Variants in SSU72 observed in about 807,000 individuals in gnomAD.
The protein encoded by SSU72 is RNA polymerase II subunit A C-terminal domain phosphatase SSU72.
Under a neutral mutation model 22.7 loss-of-function variants are expected in SSU72, and 12 were observed. That is an observed-to-expected ratio of 0.53 (90% CI 0.34 to 0.86). The LOEUF is 0.86. Ranked by LOEUF, SSU72 falls within the 40% of genes least tolerant of loss-of-function variation. The pLI is 0.02. For synonymous variants in SSU72, 116 were observed against 98.3 expected, an observed-to-expected ratio of 1.18 and a Z score of -1.06; for missense variants, 151 against 249.8, an observed-to-expected ratio of 0.60 and a Z score of 2.67.
intron 2 of SSU72, among the ~76,000 whole-genome samples, chr1:1,549,819 A>C (rs1391731857): frequency 6.6e-6 from 1 of 151,894 alleles, no homozygotes; most frequent in Non-Finnish European, 1.5e-5. Context: ...CTAAAAATAT[A>C]AAAAATTAGC....
chr1:1,544,013 G>A (rs201711680), intron 3 of SSU72, 26 bp from the exon 4 acceptor site: 26 of 1,573,052 alleles, frequency 1.7e-5, no homozygotes, highest in African/African-American at 4.1e-5. Context: ...TGACACAGAC[G>A]TCAGAGGCTC....
intron 2 of SSU72, chr1:1,545,257 C>T (rs1385524211): frequency 2.1e-6 from 1 of 478,642 alleles, no homozygotes; most frequent in Admixed American, 3.5e-5. Context: ...GACCCAAGGC[C>T]CGCAGGACAC....
Position 1,542,086 on chromosome 1 carries a change from G to A in SSU72, c.565C>T (p.His189Tyr). The A allele has an allele frequency of 6.3e-7, 1 of 1,586,978 alleles. No individual in the cohort carries two copies. The highest frequency in any genetic ancestry group is 8.6e-7 in the Non-Finnish European group (1 of 1,166,738). Reference sequence around the variant, plus strand: ...TGGGCTCAGTAGAAGCAGACGGTGTGCAGAAAGGTGCGGCCACTCTTCTCC... The same window carrying A: ...TGGGCTCAGTAGAAGCAGACGGTGTACAGAAAGGTGCGGCCACTCTTCTCC... The part of the protein sequence containing the change: ...FEEKSGRTFL[H>Y]TVCFY Residue 189 changes from histidine (H) to tyrosine (Y), a missense_variant, in exon 5 of 5, where the codon CAC becomes TAC. Physicochemically the swap from His to Tyr is moderately conservative, Grantham distance 83. Transcript: ENST00000291386. The surrounding 1 kb of genome is among the most constrained non-coding windows in gnomAD (Gnocchi z 4.4).
chr1:1,548,420 T>C (rs1419242772), intron 2 of SSU72, among the ~76,000 whole-genome samples: 1 of 152,192 alleles, frequency 6.6e-6, no homozygotes. Context: ...CCAGGCGTCG[T>C]GGCAGGCGCC....
intron 4 of SSU72, among the ~76,000 whole-genome samples, chr1:1,543,529 G>GC (rs1642350737): frequency 6.6e-6 from 1 of 152,164 alleles, no homozygotes; most frequent in Non-Finnish European, 1.5e-5. Context: ...ACCAGCAGGC[G>GC]CCCCCGACAC....
At position 1,542,483 on chromosome 1, in the gene SSU72, G is replaced by A. The variant is rs183357736; in HGVS notation, c.484-316C>T. Among the ~76,000 whole-genome samples the A allele has an allele frequency of 4.6e-5, 7 of 152,202 alleles. No individual in the cohort carries two copies. The highest frequency in any genetic ancestry group is 2.0e-4 in the Admixed American group (3 of 15,282). ...GGGCTCAGACCCACACATGCACAGC[G>A]GGGCCGACCAACCCTCACCGCCAGC... On this transcript the variant is annotated intron_variant, in intron 4 of 4. Coordinates refer to ENST00000291386, the MANE Select transcript of SSU72 (RefSeq NM_014188.3). This position sits in a 1 kb window ranked among gnomAD's most constrained non-coding sequence, Gnocchi z 4.4.
intron 2 of SSU72, chr1:1,562,934 A>C (rs1445701094): frequency 6.6e-6 from 1 of 152,320 alleles, no homozygotes; most frequent in African/African-American, 2.4e-5. Flanking sequence ...TTGCAGTGAG[A>C]GCCCACATCT....
intron 2 of SSU72, among the ~76,000 whole-genome samples, chr1:1,550,568 G>A (rs1488241134): frequency 2.6e-5 from 4 of 152,220 alleles, no homozygotes; most frequent in Non-Finnish European, 5.9e-5. Flanking sequence ...AGACCCCACG[G>A]GGCCTTGAGC....
Position 1,551,073 on chromosome 1 carries a change from GCT to G in SSU72, c.225-6073_225-6072del, listed in dbSNP as rs1364246732. Among the ~76,000 whole-genome samples the G allele has an allele frequency of 3.3e-5, 5 of 152,290 alleles. No homozygotes were observed. The East Asian group carries it at 9.6e-4, about 29-fold the overall frequency. On this transcript the variant is annotated intron_variant, in intron 2 of 4. Transcript: ENST00000291386. ...CAGGCCTGGCTGCTTCCCCAGGCCA[GCT>G]GCACGGGGACCTTCCATGTGGGTTA... is the stretch of plus-strand genomic sequence containing the variant.
At chr1:1,544,576 C>T (rs1350246889) in intron 3 of SSU72, 5 of 455,398 alleles carry the variant, frequency 1.1e-5, no homozygotes, top group Non-Finnish European at 2.0e-5. Context: ...CTAGATTGTA[C>T]CACTGCACTC....
intron 2 of SSU72, among the ~76,000 whole-genome samples, chr1:1,560,087 C>T (rs1557501961): frequency 1.3e-5 from 2 of 152,170 alleles, no homozygotes. Context: ...AAACTCAACT[C>T]GGGTGATCCA....
Position 1,569,345 on chromosome 1 carries a change from G to A in SSU72, c.81-4429C>T, listed in dbSNP as rs547281752. Among the ~76,000 whole-genome samples the A allele has an allele frequency of 3.3e-5, 5 of 152,124 alleles. No individual in the cohort carries two copies. The South Asian group carries it at 6.2e-4, about 19-fold the overall frequency. ...TTCTGGCGCTGCCCTGAAACATGAG[G>A]ACTCCCAGGACTCTGGTATTTGAAA... On this transcript the variant is annotated intron_variant, in intron 1 of 4. Coordinates refer to ENST00000291386, the MANE Select transcript of SSU72 (RefSeq NM_014188.3).
intron 2 of SSU72, among the ~76,000 whole-genome samples, chr1:1,547,234 C>A (rs1022321731): frequency 1.1e-4 from 17 of 152,194 alleles, no homozygotes; most frequent in African/African-American, 4.1e-4. Context: ...GCCGTGGGGG[C>A]TCCTGGGGAT....
chr1:1,557,713 G>A (rs1282304364), intron 2 of SSU72, among the ~76,000 whole-genome samples: 4 of 151,706 alleles, frequency 2.6e-5, no homozygotes, highest in African/African-American at 7.3e-5. Context: ...CAGGAGAATC[G>A]CTTGAACCCG....
At chr1:1,557,381 C>T (rs913378668) in intron 2 of SSU72, among the ~76,000 whole-genome samples, 12 of 151,624 alleles carry the variant, frequency 7.9e-5, no homozygotes, top group Non-Finnish European at 1.5e-4. Flanking sequence ...CCACTGCACT[C>T]CAGCCTGGGC....
chr1:1,551,080 G>C (rs923987531), intron 2 of SSU72, among the ~76,000 whole-genome samples: 1 of 152,036 alleles, frequency 6.6e-6, no homozygotes, highest in Admixed American at 6.5e-5. Flanking sequence ...CCAGCTGCAC[G>C]GGGACCTTCC....
chr1:1,572,419 C>G (rs566494826), intron 1 of SSU72, among the ~76,000 whole-genome samples: 7 of 149,328 alleles, frequency 4.7e-5, no homozygotes, highest in Admixed American at 3.3e-4. Flanking sequence ...CAGACTCCCC[C>G]TCAAGAAAAA....
intron 2 of SSU72, chr1:1,561,106 AC>A (rs1642586556): frequency 6.6e-6 from 1 of 152,014 alleles, no homozygotes; most frequent in Non-Finnish European, 1.5e-5. Context: ...TTTTTTTGAG[AC>A]AGAGTCTCAC....
chr1:1,574,373 C>T (rs1366801001), intron 1 of SSU72, 105 bp downstream of exon 1: 2 of 1,275,844 alleles, frequency 1.6e-6, no homozygotes, highest in African/African-American at 1.6e-5. Flanking sequence ...CGCGGCCCGG[C>T]CCGGCTTCCT....
Sources: gnomAD v4.1 joint callset for allele counts (sites outside exome capture counted in the v4.1 genomes callset) on GRCh38, gnomAD v4.1.1 for gene constraint, Gnocchi (gnomAD v3.1) non-coding constraint, MANE v1.5 for transcripts, NCBI Gene and HGNC (gene_info 2026-07-23, HGNC 2026-07-21) for gene names.